DGUOK: variants seen among roughly 807,000 people sequenced by gnomAD.
DGUOK encodes deoxyguanosine kinase, mitochondrial.
In DGUOK, 30 loss-of-function variants were observed where a neutral mutation model predicts 36.6. The ratio of observed to expected loss-of-function variants is 0.82; its 90% CI spans 0.61 to 1.11. The LOEUF (loss-of-function observed/expected upper bound fraction) is 1.11, where lower values mean the gene tolerates loss of function less well. Among genes scored for constraint, DGUOK ranks in the 50% most tolerant of loss-of-function variants. The pLI, the probability that DGUOK is intolerant of heterozygous loss-of-function variation, is 0.00. For synonymous variants in DGUOK, 145 were observed against 126.3 expected, an observed-to-expected ratio of 1.15 and a Z score of -0.99; for missense variants, 361 against 336.4, an observed-to-expected ratio of 1.07 and a Z score of -0.57.
chr2:73,951,105 C>T (rs1283179454), intron 4 of DGUOK, among the ~76,000 whole-genome samples: 5 of 151,852 alleles, frequency 3.3e-5, no homozygotes, highest in African/African-American at 1.2e-4. Context: ...CAGTGGTTTC[C>T]TTAGTAAGAT....
At chr2:73,931,836 G>A (rs1199354411) in intron 1 of DGUOK, among the ~76,000 whole-genome samples, 1 of 152,130 alleles carries the variant, frequency 6.6e-6, no homozygotes, top group Non-Finnish European at 1.5e-5. Flanking sequence ...AAAGATGCAG[G>A]CCTGAATAGA....
In DGUOK at chr2:73,958,736, A is replaced by T. The variant is rs779773026; in HGVS notation, c.834A>T (p.Ter278TyrextTer4). The T allele has an allele frequency of 6.2e-7, 1 of 1,611,852 alleles. No individual in the cohort carries two copies. Among genetic ancestry groups the T allele is most frequent in the Non-Finnish European group, 8.5e-7 (1 of 1,177,872 alleles). Residue 278 changes from the stop codon to tyrosine, a stop_lost, in exon 7 of 7, where the codon TAA becomes TAT. Transcript: ENST00000264093. The part of the protein sequence containing the change: ...REVNTFVKNL[*>Y] ...TAAACACCTTTGTAAAGAATCTGTA[A>T]CCAATACCATGAAGTTCAGGCTGTG...
intron 3 of DGUOK, among the ~76,000 whole-genome samples, chr2:73,947,432 G>C (rs1177691004): frequency 1.3e-5 from 2 of 152,100 alleles, no homozygotes; most frequent in Non-Finnish European, 2.9e-5. Flanking sequence ...TTCTGTCTCA[G>C]ATTTAGCCCT....
rs1276742898 is a variant in DGUOK at position 73,949,097 on chromosome 2, A to T, written c.444-1488A>T. 7.9e-5 allele frequency among the ~76,000 whole-genome samples: 12 copies of T among 152,156 alleles called. 1 individual carries two copies. Among genetic ancestry groups the T allele is most frequent in the Admixed American group, 5.2e-4 (8 of 15,274 alleles). ...CTCCTGAGTAGCTGGGATTACAGGG[A>T]CACGCCATCATGCCTGGCTAATTTT... On this transcript the variant is annotated intron_variant, in intron 3 of 6. Transcript: ENST00000264093.
chr2:73,958,453 CT>C (rs1683295215), intron 6 of DGUOK, among the ~76,000 whole-genome samples: 1 of 152,154 alleles, frequency 6.6e-6, no homozygotes, highest in African/African-American at 2.4e-5. Context: ...AAATAATTGA[CT>C]TGTAACATGT....
chr2:73,932,617 C>T (rs762713729), intron 1 of DGUOK: 1 of 1,298,644 alleles, frequency 7.7e-7, no homozygotes, highest in East Asian at 5.2e-5. Context: ...TCAAGCAAAT[C>T]AGAATGAGAG....
chr2:73,955,859 C>A (rs1683049608), intron 4 of DGUOK, among the ~76,000 whole-genome samples: 1 of 151,928 alleles, frequency 6.6e-6, no homozygotes, highest in African/African-American at 2.4e-5. Flanking sequence ...GGCAACAGAG[C>A]AAGACTCTGT....
At chr2:73,956,988 AACAAGAC>A (rs1683148707) in intron 4 of DGUOK, 130 bp from the exon 5 acceptor site, 2 of 676,470 alleles carry the variant, frequency 3.0e-6, no homozygotes, top group South Asian at 1.6e-5. Flanking sequence ...TGCATAAGAA[AACAAGAC>A]AGCAGAAGCA....
intron 4 of DGUOK, among the ~76,000 whole-genome samples, chr2:73,954,476 C>A (rs1265165135): frequency 6.6e-6 from 1 of 152,090 alleles, no homozygotes; most frequent in East Asian, 1.9e-4. Context: ...TCAAGACGAG[C>A]ATGGTCAACA....
At chr2:73,951,901 G>A (rs1682730159) in intron 4 of DGUOK, among the ~76,000 whole-genome samples, 1 of 152,232 alleles carries the variant, frequency 6.6e-6, no homozygotes, top group African/African-American at 2.4e-5. Flanking sequence ...TGGTGCAGTG[G>A]CTCATGCCTA....
chr2:73,934,445 T>C (rs1368026164), intron 1 of DGUOK, among the ~76,000 whole-genome samples: 1 of 152,166 alleles, frequency 6.6e-6, no homozygotes, highest in Non-Finnish European at 1.5e-5. Context: ...CCAAAATTCA[T>C]AATACTGAGA....
chr2:73,944,795 C>G (rs1382363062), intron 2 of DGUOK, among the ~76,000 whole-genome samples: 1 of 152,186 alleles, frequency 6.6e-6, no homozygotes, highest in East Asian at 1.9e-4. Context: ...GCCAGCACAG[C>G]ACTCCGCTCC....
intron 2 of DGUOK, among the ~76,000 whole-genome samples, chr2:73,941,543 T>C (rs974727323): frequency 6.6e-6 from 1 of 152,236 alleles, no homozygotes; most frequent in Non-Finnish European, 1.5e-5. Context: ...AAAATTTTGA[T>C]TGCCACCTGT....
At chr2:73,952,291 G>A (rs1309917228) in intron 4 of DGUOK, among the ~76,000 whole-genome samples, 2 of 152,248 alleles carry the variant, frequency 1.3e-5, no homozygotes, top group Admixed American at 6.5e-5. Context: ...TCATGTTTAT[G>A]TGACTTCTTT....
At chr2:73,935,545 A>G (rs931648447) in intron 1 of DGUOK, among the ~76,000 whole-genome samples, 1 of 152,362 alleles carries the variant, frequency 6.6e-6, no homozygotes, top group South Asian at 2.1e-4. Flanking sequence ...TGGCTTTAAT[A>G]AAACCATGTA....
At chr2:73,946,582 G>T in intron 2 of DGUOK, 137 bp from the exon 3 acceptor site, 1 of 817,766 alleles carries the variant, frequency 1.2e-6, no homozygotes, top group Admixed American at 2.2e-5. Flanking sequence ...CTTTTTGGTG[G>T]AAGGAAACTT....
intron 1 of DGUOK, among the ~76,000 whole-genome samples, chr2:73,930,617 A>G (rs550658943): frequency 1.3e-5 from 2 of 152,118 alleles, no homozygotes; most frequent in African/African-American, 4.8e-5. Context: ...ACCTTGTCAA[A>G]TTTCTCTGCT....
intron 6 of DGUOK, 122 bp downstream of exon 6, chr2:73,958,367 C>T: frequency 1.3e-6 from 1 of 764,368 alleles, no homozygotes; most frequent in South Asian, 1.5e-5. Flanking sequence ...TTGCATTTCA[C>T]ACTCCAAGGC....
intron 2 of DGUOK, among the ~76,000 whole-genome samples, chr2:73,939,784 C>T (rs1239355869): frequency 6.6e-6 from 1 of 152,200 alleles, no homozygotes; most frequent in Non-Finnish European, 1.5e-5. Flanking sequence ...TGTTGCACCC[C>T]TGTGACTCTG....
Sources: allele counts gnomAD v4.1 joint callset (sites outside exome capture counted in the v4.1 genomes callset), GRCh38; gene constraint gnomAD v4.1.1; transcripts MANE v1.5; gene names NCBI Gene and HGNC (gene_info 2026-07-23, HGNC 2026-07-21).